Variants in SCHIP1 observed in about 807,000 individuals in gnomAD.
SCHIP1 encodes the protein schwannomin interacting protein 1.
A neutral mutation model predicts 29.7 loss-of-function variants in SCHIP1; 8 were observed. The observed-to-expected ratio is 0.27, with a 90% CI of 0.16 to 0.49. The LOEUF (loss-of-function observed/expected upper bound fraction) is 0.49. SCHIP1 is among the 20% of genes least tolerant of loss of function. The probability of loss-of-function intolerance (pLI) is 0.99; values close to 1 mark genes in which losing one functional copy is unlikely to be tolerated. For missense variants in SCHIP1, 193 were observed against 294.6 expected (o/e 0.66, Z 2.52); for synonymous variants, 76 against 94.9 (o/e 0.80, Z 1.16).
the SCHIP1 span, among the ~76,000 whole-genome samples, chr3:159,817,317 T>TGCGGGTG: frequency 1.3e-5 from 2 of 152,002 alleles, no homozygotes; most frequent in Admixed American, 1.3e-4. Flanking sequence ...GGTGGCGGGC[T>TGCGGGTG]GCGGGTGGCG....
At chr3:159,360,683 T>C in the SCHIP1 span, among the ~76,000 whole-genome samples, 1 of 152,238 alleles carries the variant, frequency 6.6e-6, no homozygotes, top group Non-Finnish European at 1.5e-5. Flanking sequence ...TTTCTGTTCA[T>C]TCTTTGTGAC....
chr3:159,673,773 A>G, the SCHIP1 span, among the ~76,000 whole-genome samples: 1 of 151,710 alleles, frequency 6.6e-6, no homozygotes, highest in Non-Finnish European at 1.5e-5. Context: ...AAATGACTTA[A>G]TATTAAAAAC....
chr3:159,495,777 CA>C, the SCHIP1 span, among the ~76,000 whole-genome samples: 1 of 152,092 alleles, frequency 6.6e-6, no homozygotes, highest in Non-Finnish European at 1.5e-5. Flanking sequence ...CATATGCAAC[CA>C]AAAAACAGCC....
At chr3:159,573,052 T>C in the SCHIP1 span, among the ~76,000 whole-genome samples, 2 of 152,170 alleles carry the variant, frequency 1.3e-5, no homozygotes, top group African/African-American at 4.8e-5. Context: ...CTGATGGTCT[T>C]GACTCTTTAT....
At chr3:159,515,965 T>C in the SCHIP1 span, among the ~76,000 whole-genome samples, 2 of 145,716 alleles carry the variant, frequency 1.4e-5, no homozygotes, top group African/African-American at 5.1e-5. Context: ...GAAAAATACA[T>C]AGCAAGCAAG....
At chr3:159,538,451 G>A in the SCHIP1 span, among the ~76,000 whole-genome samples, 1 of 152,176 alleles carries the variant, frequency 6.6e-6, no homozygotes, top group Admixed American at 6.6e-5. Context: ...TGTAGAACTG[G>A]GACTTGGGAA....
At chr3:159,431,497 A>G in the SCHIP1 span, among the ~76,000 whole-genome samples, 1 of 151,824 alleles carries the variant, frequency 6.6e-6, no homozygotes, top group Non-Finnish European at 1.5e-5. Flanking sequence ...AAAAAGTCAA[A>G]GACAGAGGGA....
the SCHIP1 span, chr3:159,275,135 C>A: frequency 2.4e-5 from 22 of 915,606 alleles, no homozygotes; most frequent in Non-Finnish European, 2.3e-5. Flanking sequence ...TTTTTGTCAT[C>A]TTTGCTCAAT....
At chr3:159,438,744 G>A in the SCHIP1 span, among the ~76,000 whole-genome samples, 1 of 152,012 alleles carries the variant, frequency 6.6e-6, no homozygotes, top group Admixed American at 6.6e-5. Flanking sequence ...CATGGTATTT[G>A]GTTTTCTGTT....
chr3:159,625,877 C>G, the SCHIP1 span, among the ~76,000 whole-genome samples: 52 of 152,042 alleles, frequency 3.4e-4, no homozygotes, highest in East Asian at 9.9e-3. Flanking sequence ...TGTGCTTCTC[C>G]CTACATGTAG....
chr3:159,499,999 A>T, the SCHIP1 span, among the ~76,000 whole-genome samples: 237 of 132,494 alleles, frequency 1.8e-3, no homozygotes, highest in Middle Eastern at 7.9e-3. Flanking sequence ...TTTTTTTTTT[A>T]AAAGTGACTC....
the SCHIP1 span, among the ~76,000 whole-genome samples, chr3:159,527,373 A>G: frequency 6.6e-6 from 1 of 152,192 alleles, no homozygotes; most frequent in Non-Finnish European, 1.5e-5. Context: ...CTTCCCAAGA[A>G]AGCAACACTT....
chr3:159,512,901 A>C, the SCHIP1 span, among the ~76,000 whole-genome samples: 8 of 152,170 alleles, frequency 5.3e-5, no homozygotes, highest in African/African-American at 1.9e-4. Flanking sequence ...CTATGAGTTC[A>C]ATTGTTTTGA....
chr3:159,436,857 G>A, the SCHIP1 span, among the ~76,000 whole-genome samples: 1 of 152,066 alleles, frequency 6.6e-6, no homozygotes, highest in East Asian at 1.9e-4. Context: ...TATACCAGGA[G>A]TCTATGCCTT....
At chr3:159,717,918 A>G in the SCHIP1 span, among the ~76,000 whole-genome samples, 1 of 152,198 alleles carries the variant, frequency 6.6e-6, no homozygotes, top group East Asian at 1.9e-4. Context: ...CCTGGCAGAG[A>G]CACAACAAAA....
the SCHIP1 span, among the ~76,000 whole-genome samples, chr3:159,638,264 T>C: frequency 8.5e-5 from 13 of 152,248 alleles, no homozygotes; most frequent in Admixed American, 8.5e-4. Context: ...CTCTCAGCTC[T>C]GTCACTCTAC....
At chr3:159,400,356 T>TTAC in the SCHIP1 span, among the ~76,000 whole-genome samples, 1 of 152,218 alleles carries the variant, frequency 6.6e-6, no homozygotes, top group Non-Finnish European at 1.5e-5. Flanking sequence ...AAATGTTTAG[T>TTAC]TACTATCAAA....
the SCHIP1 span, among the ~76,000 whole-genome samples, chr3:159,807,907 G>C: frequency 6.6e-6 from 1 of 152,194 alleles, no homozygotes; most frequent in Non-Finnish European, 1.5e-5. Context: ...TTGAGGCCTA[G>C]CTAAGTTATG....
the SCHIP1 span, among the ~76,000 whole-genome samples, chr3:159,599,742 C>A: frequency 3.3e-5 from 5 of 152,032 alleles, no homozygotes; most frequent in South Asian, 4.1e-4. Flanking sequence ...ATTGTCATTG[C>A]GGTCTGGTGG....
Sources: gnomAD v4.1 joint callset for allele counts (sites outside exome capture counted in the v4.1 genomes callset) on GRCh38, gnomAD v4.1.1 for gene constraint, MANE v1.5 for transcripts, NCBI Gene and HGNC (gene_info 2026-07-23, HGNC 2026-07-21) for gene names.